The following TPPP variants were observed in gnomAD, a reference collection of about 807,000 sequenced individuals.
The protein encoded by TPPP is tubulin polymerization-promoting protein.
TPPP carries 6 observed loss-of-function variants against 15.5 expected under a neutral mutation model. The observed-to-expected ratio is 0.39, with a 90% CI of 0.21 to 0.77. The LOEUF is 0.77. Among genes scored for constraint, TPPP ranks in the 30% least tolerant of loss-of-function variants. The probability of loss-of-function intolerance (pLI) is 0.42; values close to 1 mark genes in which losing one functional copy is unlikely to be tolerated. For missense variants in TPPP, 269 were observed against 307.2 expected (o/e 0.88, Z 0.93); for synonymous variants, 146 against 133.9 (o/e 1.09, Z -0.63).
upstream of TPPP, among the ~76,000 whole-genome samples, chr5:693,872 G>A (rs1740967091): frequency 6.7e-6 from 1 of 149,592 alleles, no homozygotes; most frequent in African/African-American, 2.5e-5. Flanking sequence ...GGGCCGGGCT[G>A]TGAGGGTGCT....
chr5:667,881 C>T (rs1739992289), intron 2 of TPPP, among the ~76,000 whole-genome samples: 1 of 92,898 alleles, frequency 1.1e-5, no homozygotes, highest in African/African-American at 7.0e-5. Flanking sequence ...GACAAGCACA[C>T]AGAGAGGGGG....
rs1422222516 is a variant in TPPP, at chr5:661,266, CCT to C, written c.*3834_*3835del. 1 of 153,388 alleles carries C rather than the reference CCT, an allele frequency of 6.5e-6. No homozygotes were observed. Among genetic ancestry groups the C allele is most frequent in the Non-Finnish European group, 1.4e-5 (1 of 69,190 alleles). 9.5% of individuals were successfully genotyped at this position (153,388 alleles called of 1,614,324 possible). On this transcript the variant is annotated 3_prime_UTR_variant, in exon 4 of 4. Coordinates refer to ENST00000360578, the MANE Select transcript of TPPP (RefSeq NM_007030.3). Reference sequence around the variant, plus strand: ...GGTGTCACCCCTGACAGAACCTGTCCCTCTCTCCTGGTGTCACCCCCGACAGA... The same window carrying C: ...GGTGTCACCCCTGACAGAACCTGTCCCTCTCCTGGTGTCACCCCCGACAGA...
At chr5:697,482 C>T (rs1451975141), upstream of TPPP, among the ~76,000 whole-genome samples, 6 of 152,008 alleles carry the variant, frequency 3.9e-5, no homozygotes, top group Non-Finnish European at 8.8e-5. Flanking sequence ...GAGAGGATGG[C>T]GTTGCAGAGC....
At chr5:668,694 C>CAAGAG (rs1740061496) in intron 2 of TPPP, among the ~76,000 whole-genome samples, 1 of 152,262 alleles carries the variant, frequency 6.6e-6, no homozygotes, top group Non-Finnish European at 1.5e-5. Context: ...GGTCCTTGCT[C>CAAGAG]AAGAGAAATG....
chr5:691,587 T>G (rs1367260220), intron 1 of TPPP, among the ~76,000 whole-genome samples: 1 of 6,256 alleles, frequency 1.6e-4, no homozygotes, highest in Non-Finnish European at 2.6e-4. Flanking sequence ...ATCAAAACAA[T>G]AGCCCCCAAC....
At chr5:678,103 A>G in intron 1 of TPPP, 39 bp from the exon 2 acceptor site, 1 of 1,460,360 alleles carries the variant, frequency 6.8e-7, no homozygotes, top group South Asian at 1.4e-5. Flanking sequence ...CACCCGGGCC[A>G]TGTCCCAGCT....
At chr5:699,837 GA>G in the TPPP span, among the ~76,000 whole-genome samples, 97,164 of 144,866 alleles carry the variant, frequency 0.67, 28,183 homozygotes, top group Non-Finnish European at 0.69. Context: ...CAAAAAACAT[GA>G]AAAAAATGCT....
At chr5:695,759 A>G (rs1741000167), upstream of TPPP, among the ~76,000 whole-genome samples, 1 of 151,008 alleles carries the variant, frequency 6.6e-6, no homozygotes, top group Admixed American at 6.6e-5. Flanking sequence ...CGCCAGGAGA[A>G]GCTGGGATAA....
intron 2 of TPPP, among the ~76,000 whole-genome samples, chr5:670,788 G>C (rs56374802): frequency 6.6e-6 from 1 of 152,182 alleles, no homozygotes; most frequent in Non-Finnish European, 1.5e-5. Context: ...AACGTTTCCC[G>C]GGGCCGACAG....
chr5:669,338 G>GGT (rs1740101986), intron 2 of TPPP, among the ~76,000 whole-genome samples: 1 of 152,190 alleles, frequency 6.6e-6, no homozygotes, highest in Non-Finnish European at 1.5e-5. Flanking sequence ...CGGTGTTGGG[G>GGT]GTGGATTTAG....
intron 2 of TPPP, among the ~76,000 whole-genome samples, chr5:677,044 C>T (rs555353443): frequency 2.0e-5 from 3 of 151,460 alleles, no homozygotes; most frequent in East Asian, 1.9e-4. Flanking sequence ...GACGCGGAAA[C>T]GCACACACGT....
intron 2 of TPPP, among the ~76,000 whole-genome samples, chr5:671,636 C>G (rs1438226304): frequency 6.6e-6 from 1 of 152,230 alleles, no homozygotes; most frequent in Non-Finnish European, 1.5e-5. Context: ...GGTACAGGAG[C>G]CACAGGCCTT....
intron 3 of TPPP, 70 bp from the exon 4 acceptor site, chr5:665,366 G>A (rs972622540): frequency 2.7e-6 from 4 of 1,476,372 alleles, no homozygotes; most frequent in African/African-American, 2.8e-5. Context: ...TGAAATGGCT[G>A]TGCCCTGGGC....
intron 1 of TPPP, among the ~76,000 whole-genome samples, chr5:686,438 C>T (rs1219733548): frequency 6.6e-6 from 1 of 151,888 alleles, no homozygotes; most frequent in Non-Finnish European, 1.5e-5. Flanking sequence ...GCTGGTCCCT[C>T]ATCCAGCGCA....
intron 1 of TPPP, among the ~76,000 whole-genome samples, chr5:688,701 G>A (rs1740828826): frequency 7.2e-6 from 1 of 138,820 alleles, no homozygotes; most frequent in Admixed American, 7.2e-5. Context: ...AGGCTGAGAT[G>A]AGCTTCACCC....
At chr5:686,516 G>T (rs949772398) in intron 1 of TPPP, among the ~76,000 whole-genome samples, 4 of 149,966 alleles carry the variant, frequency 2.7e-5, no homozygotes, top group Admixed American at 2.6e-4. Flanking sequence ...CTGCCCTTGG[G>T]TTACCCTCGG....
chr5:694,766 G>GC (rs1465319883), upstream of TPPP, among the ~76,000 whole-genome samples: 1 of 18,436 alleles, frequency 5.4e-5, no homozygotes, highest in African/African-American at 1.3e-4. Flanking sequence ...GTCCCGCGGA[G>GC]CCCGGAGTGC....
upstream of TPPP, among the ~76,000 whole-genome samples, chr5:695,787 G>GA (rs1741000474): frequency 6.7e-6 from 1 of 149,438 alleles, no homozygotes; most frequent in Admixed American, 6.7e-5. Flanking sequence ...ATCTTTAATC[G>GA]AATTACATCT....
At chr5:686,356 A>G (rs1340791828) in intron 1 of TPPP, among the ~76,000 whole-genome samples, 12 of 152,200 alleles carry the variant, frequency 7.9e-5, no homozygotes, top group African/African-American at 2.4e-4. Context: ...GGGAGGCACA[A>G]TGGGTTACAG....
Sources: gnomAD v4.1 joint callset for allele counts (sites outside exome capture counted in the v4.1 genomes callset) on GRCh38, gnomAD v4.1.1 for gene constraint, MANE v1.5 for transcripts, NCBI Gene and HGNC (gene_info 2026-07-23, HGNC 2026-07-21) for gene names.